Variants in SQSTM1 observed in about 807,000 individuals in gnomAD.
SQSTM1 encodes sequestosome 1, also known as sequestosome-1.
In SQSTM1, 36 loss-of-function variants were observed where a neutral mutation model predicts 45.1. The observed-to-expected ratio is 0.80, with a 90% CI of 0.61 to 1.05. SQSTM1 has a LOEUF of 1.05. Among genes scored for constraint, SQSTM1 ranks in the 50% least tolerant of loss-of-function variants. The pLI is 0.00. For missense variants in SQSTM1, 617 were observed against 607.1 expected (o/e 1.02, Z -0.17); for synonymous variants, 290 against 244.3 (o/e 1.19, Z -1.74).
upstream of SQSTM1, among the ~76,000 whole-genome samples, chr5:179,816,576 G>A (rs977791273): frequency 6.6e-6 from 1 of 152,220 alleles, no homozygotes; most frequent in Non-Finnish European, 1.5e-5. Flanking sequence ...CTCCCGGTGC[G>A]GCCTGTCACC....
intron 5 of SQSTM1, among the ~76,000 whole-genome samples, chr5:179,832,166 C>T (rs1212965332): frequency 1.3e-5 from 2 of 152,126 alleles, no homozygotes; most frequent in Non-Finnish European, 2.9e-5. Context: ...GTAGGAAGTG[C>T]GCAGATGTGA....
intron 5 of SQSTM1, among the ~76,000 whole-genome samples, chr5:179,829,641 A>G (rs1470655785): frequency 2.0e-5 from 3 of 152,258 alleles, no homozygotes; most frequent in African/African-American, 7.2e-5. Context: ...CTTAGATTCT[A>G]CTATTGTCTC....
In SQSTM1 at chr5:179,837,730, T is replaced by C. The variant is rs1258676286; in HGVS notation, c.*1137T>C. On this transcript the variant is annotated 3_prime_UTR_variant, in exon 8 of 8. Coordinates refer to ENST00000389805, the MANE Select transcript of SQSTM1 (RefSeq NM_003900.5). Reference sequence around the variant, plus strand: ...AACTTTTTCTAGGTGGCAGGACAAATTGCGCCCATTTAGAGGATGTGGCTG... The same window carrying C: ...AACTTTTTCTAGGTGGCAGGACAAACTGCGCCCATTTAGAGGATGTGGCTG... 3.7e-6 allele frequency: 6 copies of C among 1,614,094 alleles called. No individual in the cohort carries two copies. Among genetic ancestry groups the C allele is most frequent in the East Asian group, 2.2e-5 (1 of 44,894 alleles).
chr5:179,817,260 G>C (rs1178032030), upstream of SQSTM1, among the ~76,000 whole-genome samples: 1 of 152,210 alleles, frequency 6.6e-6, no homozygotes, highest in Non-Finnish European at 1.5e-5. Context: ...CCCGGGCCGC[G>C]CGCGCTTTCT....
At chr5:179,830,750 G>T (rs1239229046) in intron 5 of SQSTM1, among the ~76,000 whole-genome samples, 2 of 151,906 alleles carry the variant, frequency 1.3e-5, no homozygotes, top group Non-Finnish European at 2.9e-5. Flanking sequence ...TAGAGATGGG[G>T]TTTCACCATC....
chr5:179,834,153 GA>G (rs1423979503), intron 7 of SQSTM1, among the ~76,000 whole-genome samples: 57 of 89,134 alleles, frequency 6.4e-4, no homozygotes, highest in African/African-American at 3.3e-3. Context: ...GTGCTGGTCT[GA>G]GAGGGGGGGG....
chr5:179,810,780 G>A (rs1324979037), intron 1 of SQSTM1, among the ~76,000 whole-genome samples: 1 of 152,170 alleles, frequency 6.6e-6, no homozygotes, highest in South Asian at 2.1e-4. Flanking sequence ...AGCACCTGTT[G>A]TTTCCTGGGT....
upstream of SQSTM1, among the ~76,000 whole-genome samples, chr5:179,815,883 C>T (rs572164834): frequency 6.6e-5 from 10 of 152,196 alleles, no homozygotes; most frequent in South Asian, 4.2e-4. Flanking sequence ...TACACTCCCA[C>T]GCAACATCCA....
upstream of SQSTM1, among the ~76,000 whole-genome samples, chr5:179,817,174 A>C (rs1345259656): frequency 6.6e-6 from 1 of 152,094 alleles, no homozygotes; most frequent in Non-Finnish European, 1.5e-5. Context: ...TCTCCTCCCC[A>C]CGGGCGGCCC....
chr5:179,827,640 T>G (rs1758051798), intron 5 of SQSTM1, among the ~76,000 whole-genome samples: 1 of 152,238 alleles, frequency 6.6e-6, no homozygotes, highest in African/African-American at 2.4e-5. Flanking sequence ...AATTGCTTTC[T>G]CCGAACTAGG....
chr5:179,823,197 G>C (rs1757849802), intron 2 of SQSTM1, 144 bp downstream of exon 2: 5 of 807,780 alleles, frequency 6.2e-6, no homozygotes, highest in Non-Finnish European at 1.0e-5. Flanking sequence ...GGCCAGGTGT[G>C]GCTCACGCCT....
chr5:179,816,849 C>T (rs1295075850), upstream of SQSTM1, among the ~76,000 whole-genome samples: 1 of 152,184 alleles, frequency 6.6e-6, no homozygotes, highest in East Asian at 1.9e-4. Flanking sequence ...TTTGGGGTAC[C>T]CCAGCAGTGC....
chr5:179,825,008 G>A, intron 4 of SQSTM1, 138 bp from the exon 5 acceptor site: 1 of 782,112 alleles, frequency 1.3e-6, no homozygotes, highest in East Asian at 2.7e-5. Context: ...AGAGGGGGAT[G>A]CTGAGTGGGT....
chr5:179,836,989 G>T lies in SQSTM1; in HGVS notation c.*396G>T, dbSNP rs150371553. On this transcript the variant is annotated 3_prime_UTR_variant, in exon 8 of 8. Coordinates refer to ENST00000389805, the MANE Select transcript of SQSTM1 (RefSeq NM_003900.5). Reference sequence around the variant, plus strand: ...TTGATTATTTTCTGCTACAGACCTGGTACACTCTGATTTTAGATAAAGTAA... The same window carrying T: ...TTGATTATTTTCTGCTACAGACCTGTTACACTCTGATTTTAGATAAAGTAA... 1.7e-4 allele frequency: 102 copies of T among 612,224 alleles called. No homozygotes were observed. The highest frequency in any genetic ancestry group is 1.5e-3 in the African/African-American group (83 of 54,178). 37.9% of individuals were successfully genotyped at this position (612,224 alleles called of 1,614,324 possible).
At chr5:179,811,289 T>C (rs1581991647) in intron 1 of SQSTM1, among the ~76,000 whole-genome samples, 1 of 145,160 alleles carries the variant, frequency 6.9e-6, no homozygotes, top group South Asian at 2.2e-4. Flanking sequence ...CTGGAAGAAC[T>C]GGGTAGAGCC....
chr5:179,811,436 A>G (rs1262435560), intron 1 of SQSTM1: 1 of 146,842 alleles, frequency 6.8e-6, no homozygotes, highest in African/African-American at 2.5e-5. Context: ...GCTTGGTCTC[A>G]TGTTCGGGGT....
chr5:179,835,025 C>T (rs1347988717), intron 7 of SQSTM1: 12 of 219,100 alleles, frequency 5.5e-5, no homozygotes, highest in African/African-American at 1.4e-4. Context: ...GGCTGCCGGG[C>T]GGAGGGTCTC....
intron 1 of SQSTM1, chr5:179,821,814 C>T (rs1261550303): frequency 3.4e-6 from 1 of 291,762 alleles, no homozygotes; most frequent in Non-Finnish European, 6.7e-6. Context: ...TGACCAGTGG[C>T]TGCTGGGGGT....
chr5:179,824,655 A>G (rs906941598), intron 4 of SQSTM1, among the ~76,000 whole-genome samples: 15 of 152,058 alleles, frequency 9.9e-5, no homozygotes, highest in Admixed American at 6.6e-4. Context: ...CTCTTTTGTG[A>G]TGGTTGTCAG....
Sources: gnomAD v4.1 joint callset for allele counts (sites outside exome capture counted in the v4.1 genomes callset) on GRCh38, gnomAD v4.1.1 for gene constraint, MANE v1.5 for transcripts, NCBI Gene and HGNC (gene_info 2026-07-23, HGNC 2026-07-21) for gene names.